The following GLB1 variants were observed in gnomAD, a reference collection of about 807,000 sequenced individuals.
GLB1 encodes galactosidase beta 1, also known as beta-galactosidase.
GLB1 carries 56 observed loss-of-function variants against 74.0 expected under a neutral mutation model. That is an observed-to-expected ratio of 0.76 (90% CI 0.61 to 0.94). The LOEUF is 0.94. GLB1 is among the 40% of genes least tolerant of loss of function. GLB1 has a pLI of 0.00. For synonymous variants in GLB1, 323 were observed against 323.6 expected (o/e 1.00, Z 0.02); for missense variants, 787 against 845.5 (o/e 0.93, Z 0.86).
chr3:32,963,064 A>AATAT, the GLB1 span, among the ~76,000 whole-genome samples: 3 of 152,204 alleles, frequency 2.0e-5, no homozygotes, highest in Admixed American at 6.5e-5. Context: ...AGCTAATTAA[A>AATAT]ATATACAGCA....
At chr3:33,061,499 A>T (rs1699441210) in intron 5 of GLB1, among the ~76,000 whole-genome samples, 1 of 152,218 alleles carries the variant, frequency 6.6e-6, no homozygotes. Context: ...CAACTCTGCC[A>T]CTATAGTACA....
the GLB1 span, among the ~76,000 whole-genome samples, chr3:32,990,809 TA>T: frequency 1.3e-5 from 2 of 151,864 alleles, no homozygotes; most frequent in Admixed American, 1.3e-4. Context: ...CCGTCTCTAC[TA>T]AAAAATACAA....
Position 33,092,792 on chromosome 3 carries a change from C to A in GLB1, c.75+4219G>T. ...ACCACTCTGAAGCAGGATGGAGGGTCGAGGACAAGGGCAGGGCAGAGGTGC... is the reference window on the plus strand; with the variant it reads ...ACCACTCTGAAGCAGGATGGAGGGTAGAGGACAAGGGCAGGGCAGAGGTGC... On this transcript the variant is annotated intron_variant, in intron 1 of 15. Coordinates refer to ENST00000307363, the MANE Select transcript of GLB1 (RefSeq NM_000404.4). 3 of 1,542,338 alleles carry A rather than the reference C, an allele frequency of 1.9e-6. No individual in the cohort carries two copies. The South Asian group carries it at 3.7e-5, about 19-fold the overall frequency.
intron 1 of GLB1, among the ~76,000 whole-genome samples, chr3:33,085,990 A>C (rs541786930): frequency 1.3e-5 from 2 of 152,006 alleles, no homozygotes; most frequent in African/African-American, 4.8e-5. Context: ...AAGTGAGTGT[A>C]TCGCTTAAGC....
intron 13 of GLB1, among the ~76,000 whole-genome samples, chr3:33,017,548 T>C (rs1268458117): frequency 6.6e-6 from 1 of 152,208 alleles, no homozygotes; most frequent in Non-Finnish European, 1.5e-5. Context: ...TTTTAAAATC[T>C]TCTGAACAAA....
chr3:33,086,445 G>T (rs1700506602), intron 1 of GLB1, among the ~76,000 whole-genome samples: 1 of 152,150 alleles, frequency 6.6e-6, no homozygotes, highest in African/African-American at 2.4e-5. Context: ...TCACTATTCT[G>T]CAATCTTTAG....
At chr3:33,052,732 T>C (rs978171219) in intron 7 of GLB1, 4 of 153,448 alleles carry the variant, frequency 2.6e-5, no homozygotes. Flanking sequence ...CCCAGTATTC[T>C]GCAAAGCAGG....
the GLB1 span, among the ~76,000 whole-genome samples, chr3:32,961,893 A>AG: frequency 6.6e-6 from 1 of 152,196 alleles, no homozygotes; most frequent in Non-Finnish European, 1.5e-5. Flanking sequence ...CCACAAGATA[A>AG]GGGGAATAAA....
chr3:33,010,177 C>T (rs1242287406), intron 15 of GLB1, among the ~76,000 whole-genome samples: 1 of 152,206 alleles, frequency 6.6e-6, no homozygotes, highest in East Asian at 1.9e-4. Context: ...AAACTATGCT[C>T]CCAAATGTAC....
At chr3:33,013,987 ATTCT>A in intron 15 of GLB1, 65 bp downstream of exon 15, 2 of 1,612,706 alleles carry the variant, frequency 1.2e-6, no homozygotes, top group Non-Finnish European at 8.5e-7. Context: ...GCTCTTTGTG[ATTCT>A]TTCTCAGACA....
At chr3:33,022,455 T>C (rs2125475953) in intron 11 of GLB1, among the ~76,000 whole-genome samples, 1 of 152,078 alleles carries the variant, frequency 6.6e-6, no homozygotes, top group South Asian at 2.1e-4. Context: ...CTACTGTCCC[T>C]GTGTTGTGGA....
chr3:33,064,244 G>A (rs1384762256), intron 5 of GLB1, among the ~76,000 whole-genome samples: 1 of 150,770 alleles, frequency 6.6e-6, no homozygotes, highest in Non-Finnish European at 1.5e-5. Context: ...TTTGAGACCA[G>A]CCTGGTCAAC....
Position 33,002,745 on chromosome 3 carries a change from A to T in GLB1, c.1735-5401T>A, listed in dbSNP as rs906583297. On this transcript the variant is annotated intron_variant, in intron 15 of 15. Transcript: ENST00000307363. ...TTAAGTTGTAGTTTAAAATTTTCCAAAATTTTTTGGGAGCTCCTTTAAAAG... is the reference window on the plus strand; with the variant it reads ...TTAAGTTGTAGTTTAAAATTTTCCATAATTTTTTGGGAGCTCCTTTAAAAG... Among the ~76,000 whole-genome samples, 43 of 152,040 alleles carry T rather than the reference A, an allele frequency of 2.8e-4. 1 individual carries two copies. Among genetic ancestry groups the T allele is most frequent in the African/African-American group, 9.9e-4 (41 of 41,362 alleles).
chr3:33,062,752 C>A (rs1699496157), intron 5 of GLB1, among the ~76,000 whole-genome samples: 1 of 151,890 alleles, frequency 6.6e-6, no homozygotes, highest in Admixed American at 6.6e-5. Flanking sequence ...CTCATCACTG[C>A]ACTCAGCCTG....
chr3:33,049,360 A>G (rs542562973), intron 9 of GLB1, among the ~76,000 whole-genome samples: 1 of 151,978 alleles, frequency 6.6e-6, no homozygotes, highest in African/African-American at 2.4e-5. Context: ...GGTTTGTTAC[A>G]TAGGTAAACG....
the GLB1 span, among the ~76,000 whole-genome samples, chr3:32,961,387 G>A: frequency 3.3e-5 from 5 of 152,206 alleles, no homozygotes; most frequent in Non-Finnish European, 4.4e-5. Context: ...TCAGCAACAC[G>A]CCAAAGGCAT....
At chr3:33,063,810 A>G (rs1699548497) in intron 5 of GLB1, among the ~76,000 whole-genome samples, 1 of 152,138 alleles carries the variant, frequency 6.6e-6, no homozygotes, top group Non-Finnish European at 1.5e-5. Context: ...GTACAGACAC[A>G]AGATGGTAAA....
intron 10 of GLB1, among the ~76,000 whole-genome samples, chr3:33,031,665 AT>A (rs1559391343): frequency 1.5e-5 from 2 of 131,442 alleles, no homozygotes; most frequent in African/African-American, 2.8e-5. Flanking sequence ...ATATATATAT[AT>A]ATATATATAA....
the GLB1 span, among the ~76,000 whole-genome samples, chr3:32,968,453 G>T: frequency 6.6e-6 from 1 of 152,104 alleles, no homozygotes. Flanking sequence ...GAAAAAAAAA[G>T]CTCAAATCTG....
Sources: gnomAD v4.1 joint callset for allele counts (sites outside exome capture counted in the v4.1 genomes callset) on GRCh38, gnomAD v4.1.1 for gene constraint, MANE v1.5 for transcripts, NCBI Gene and HGNC (gene_info 2026-07-23, HGNC 2026-07-21) for gene names.